SART3: variants seen among roughly 807,000 people sequenced by gnomAD.
The protein encoded by SART3 is spliceosome associated factor 3, U4/U6 recycling protein.
A neutral mutation model predicts 122.3 loss-of-function variants in SART3; 44 were observed. The ratio of observed to expected loss-of-function variants is 0.36; its 90% CI spans 0.28 to 0.46. The LOEUF (loss-of-function observed/expected upper bound fraction) is 0.46, where lower values mean the gene tolerates loss of function less well. Among genes scored for constraint, SART3 ranks in the 20% least tolerant of loss-of-function variants. SART3 has a pLI of 1.00. For synonymous variants in SART3, 442 were observed against 454.0 expected (o/e 0.97, Z 0.34); for missense variants, 1,101 against 1,229.0 (o/e 0.90, Z 1.56).
chr12:108,554,670 A>G (rs1479999336), intron 1 of SART3, among the ~76,000 whole-genome samples: 1 of 147,762 alleles, frequency 6.8e-6, no homozygotes, highest in Non-Finnish European at 1.5e-5. Context: ...TGTTTATTAT[A>G]TATTTATATA....
chr12:108,547,844 T>A (rs770544540), intron 3 of SART3, 43 bp downstream of exon 3: 7 of 1,406,464 alleles, frequency 5.0e-6, no homozygotes, highest in Non-Finnish European at 7.0e-6. Flanking sequence ...GACTGATATA[T>A]ATGACATTGC....
intron 12 of SART3, among the ~76,000 whole-genome samples, chr12:108,534,173 T>C (rs1279485070): frequency 6.6e-6 from 1 of 152,200 alleles, no homozygotes; most frequent in Non-Finnish European, 1.5e-5. Context: ...GTTAGATAAT[T>C]TGTTATATTT....
At chr12:108,523,740 G>T in intron 18 of SART3, 106 bp from the exon 19 acceptor site, 3 of 937,420 alleles carry the variant, frequency 3.2e-6, no homozygotes, top group Non-Finnish European at 4.8e-6. Context: ...GAAGTTAAAA[G>T]GTGAAAAAAA....
chr12:108,526,799 C>T (rs558448491), intron 15 of SART3, among the ~76,000 whole-genome samples: 17 of 152,228 alleles, frequency 1.1e-4, no homozygotes, highest in African/African-American at 3.4e-4. Flanking sequence ...AACATAAATC[C>T]CCATTGTCCA....
At chr12:108,549,047 T>C (rs984338168) in intron 2 of SART3, 41 bp downstream of exon 2, 1 of 1,613,626 alleles carries the variant, frequency 6.2e-7, no homozygotes, top group African/African-American at 1.3e-5. Flanking sequence ...TGTGCAAGCC[T>C]TGTTTCTGTT....
At chr12:108,541,237 T>C (rs530735405) in intron 6 of SART3, among the ~76,000 whole-genome samples, 2 of 151,938 alleles carry the variant, frequency 1.3e-5, no homozygotes, top group East Asian at 3.9e-4. Flanking sequence ...CGAAACCCCG[T>C]CTCTACTAAA....
At chr12:108,526,062 C>A in intron 16 of SART3, 37 bp downstream of exon 16, 1 of 1,550,558 alleles carries the variant, frequency 6.4e-7, no homozygotes, top group Non-Finnish European at 8.9e-7. Context: ...CTAAAGCAAC[C>A]ACAGATGAAA....
intron 6 of SART3, among the ~76,000 whole-genome samples, chr12:108,539,400 T>C (rs1197388130): frequency 6.6e-6 from 1 of 152,250 alleles, no homozygotes; most frequent in Admixed American, 6.5e-5. Context: ...CCTTTGCCAG[T>C]GACCACTGTC....
rs2030307574 is a variant in SART3 at position 108,558,040 on chromosome 12, A to G, written c.312+2803T>C. On this transcript the variant is annotated intron_variant, in intron 1 of 18. Coordinates refer to ENST00000546815, the MANE Select transcript of SART3 (RefSeq NM_014706.4). ...TTTAATTAGCCAGGCATGGGGGTGC[A>G]TGCCTGTAGTCCGAGATACTTTGGA... 2.0e-5 allele frequency among the ~76,000 whole-genome samples: 3 copies of G among 152,092 alleles called. No homozygotes were observed. In the South Asian group the frequency reaches 6.2e-4, roughly 32 times the overall value.
At chr12:108,531,916 GCTA>G (rs1286006069) in intron 13 of SART3, 3 of 379,292 alleles carry the variant, frequency 7.9e-6, no homozygotes, top group African/African-American at 6.3e-5. Context: ...TGGTGAAGCT[GCTA>G]CTGGCATTTC....
At chr12:108,544,310 A>T (rs1235340887) in intron 5 of SART3, 117 bp downstream of exon 5, 1 of 905,430 alleles carries the variant, frequency 1.1e-6, no homozygotes, top group African/African-American at 1.6e-5. Context: ...CAAGGAGAGT[A>T]AGAACACCAG....
At chr12:108,545,016 A>C in intron 4 of SART3, 123 bp downstream of exon 4, 1 of 1,030,392 alleles carries the variant, frequency 9.7e-7, no homozygotes, top group South Asian at 1.3e-5. Flanking sequence ...GGGATTGGCA[A>C]AGACCATTTT....
chr12:108,559,856 G>C (rs933031956), intron 1 of SART3, among the ~76,000 whole-genome samples: 2 of 152,104 alleles, frequency 1.3e-5, no homozygotes, highest in African/African-American at 4.8e-5. Flanking sequence ...GTGGGAGGAA[G>C]AAAGAGAGGT....
At chr12:108,537,954 C>T in intron 8 of SART3, 111 bp downstream of exon 8, 1 of 1,430,606 alleles carries the variant, frequency 7.0e-7, no homozygotes, top group Non-Finnish European at 9.8e-7. Flanking sequence ...TCACTACACT[C>T]CATAACCCAA....
chr12:108,561,062 C>T lies in SART3; in HGVS notation c.93G>A (p.Ala31=), dbSNP rs1224093560. The change falls in exon 1 of 19, where the codon GCG becomes GCA. Residue 31 remains alanine, a synonymous_variant. Coordinates refer to ENST00000546815, the MANE Select transcript of SART3 (RefSeq NM_014706.4). The part of the protein sequence containing the change: ...KADGEEDEVK[A]ARTRRKVLSR... The stretch of plus-strand genomic sequence containing the variant: ...ATAACACCTTCCTCCTTGTCCTAGC[C>T]GCCTTAACCTCATCCTCCTCTCCGT... The T allele has an allele frequency of 1.2e-6, 2 of 1,614,142 alleles. No individual in the cohort carries two copies. Among genetic ancestry groups the T allele is most frequent in the East Asian group, 2.2e-5 (1 of 44,874 alleles).
chr12:108,526,416 C>T lies in SART3; in HGVS notation c.2053G>A (p.Ala685Thr). 2 of 1,614,168 alleles carry T rather than the reference C, an allele frequency of 1.2e-6. No individual in the cohort carries two copies. The highest frequency in any genetic ancestry group is 1.7e-6 in the Non-Finnish European group (2 of 1,180,026). ...VEPPSKQKEKAASLKRDMPKV... is the reference protein window; with the variant it reads ...VEPPSKQKEKTASLKRDMPKV... ...GGCATGTCCCTCTTCAGGGAGGCTG[C>T]CTTCTCCTTCTGCTTCGAAGGGGGC... Residue 685 changes from alanine to threonine, a missense_variant, in exon 16 of 19, where the codon GCA becomes ACA. This residue lies in a region of SART3 where 885 missense variants were observed against 1,080.1 expected (regional missense o/e 0.82). Coordinates refer to ENST00000546815, the MANE Select transcript of SART3 (RefSeq NM_014706.4).
rs765586438 is a variant in SART3 at position 108,544,497 on chromosome 12, T to C, written c.730-19A>G. 2.0e-5 allele frequency: 33 copies of C among 1,614,078 alleles called. No homozygotes were observed. The highest frequency in any genetic ancestry group is 2.7e-5 in the Non-Finnish European group (32 of 1,180,024). ...TCTCAAGCTGTGAATCAAAGGTTTG[T>C]TCCCGGTCAAAAGGGGAAAGGAAGC... On this transcript the variant is annotated intron_variant, in intron 4 of 18. Transcript: ENST00000546815.
rs1020841202 is a variant in SART3, at chr12:108,523,173, T to C, written c.*284A>G. On this transcript the variant is annotated 3_prime_UTR_variant, in exon 19 of 19. Coordinates refer to ENST00000546815, the MANE Select transcript of SART3 (RefSeq NM_014706.4). ...GTCTCAAAAACAGTGTGTTCTCGTT[T>C]CGCTTCTGTGCCTCAGTCTTTAAGA... 2.6e-5 allele frequency: 14 copies of C among 532,456 alleles called. No homozygotes were observed. Among genetic ancestry groups the C allele is most frequent in the Non-Finnish European group, 3.7e-5 (11 of 295,390 alleles). 33.0% of individuals were successfully genotyped at this position (532,456 alleles called of 1,614,324 possible). A position where few individuals can be genotyped will look rare whatever the true frequency, so the allele number is the denominator to read the frequency against.
chr12:108,538,158 G>T lies in SART3; in HGVS notation c.1108C>A (p.Arg370Ser), dbSNP rs779663628. 1.9e-6 allele frequency: 3 copies of T among 1,614,122 alleles called. No individual in the cohort carries two copies. The highest frequency in any genetic ancestry group is 2.5e-6 in the Non-Finnish European group (3 of 1,179,992). Residue 370 changes from arginine to serine, a missense_variant, in exon 8 of 19, where the codon CGC (arginine) becomes AGC (serine). By Grantham distance (110) the Arg-to-Ser change is moderately radical. Around this residue, in one of 2 missense-constraint regions of SART3, gnomAD observed 885 missense variants for 1,080.1 expected, o/e 0.82. Coordinates refer to ENST00000546815, the MANE Select transcript of SART3 (RefSeq NM_014706.4). Reference protein sequence around the residue: ...VKDLVLSVHNRAIRNCPWTVA... With the variant: ...VKDLVLSVHNSAIRNCPWTVA... ...GTCCAGGGGCAGTTTCTAATAGCGC[G>T]GTTATGTACAGATAAAACCAAATCC...
Sources: gnomAD v4.1 joint callset for allele counts (sites outside exome capture counted in the v4.1 genomes callset) on GRCh38, gnomAD v4.1.1 for gene constraint, gnomAD v4.1.1 regional missense constraint, MANE v1.5 for transcripts, NCBI Gene and HGNC (gene_info 2026-07-23, HGNC 2026-07-21) for gene names.